The following MAP2K2 variants were observed in gnomAD, a reference collection of about 807,000 sequenced individuals.
MAP2K2 encodes the protein dual specificity mitogen-activated protein kinase kinase 2.
In MAP2K2, 24 loss-of-function variants were observed where a neutral mutation model predicts 43.7. That is an observed-to-expected ratio of 0.55 (90% CI 0.40 to 0.77). The LOEUF (loss-of-function observed/expected upper bound fraction) is 0.77, where lower values mean the gene tolerates loss of function less well. Among genes scored for constraint, MAP2K2 ranks in the 30% least tolerant of loss-of-function variants. The pLI is 0.00. For synonymous variants in MAP2K2, 244 were observed against 239.7 expected (o/e 1.02, Z -0.17); for missense variants, 470 against 566.8 (o/e 0.83, Z 1.73).
At chr19:4,106,362 C>T (rs2041085962) in intron 3 of MAP2K2, among the ~76,000 whole-genome samples, 2 of 152,322 alleles carry the variant, frequency 1.3e-5, no homozygotes, top group Admixed American at 6.5e-5. Context: ...GAGCAAGACC[C>T]TGACTTGAAA....
intron 3 of MAP2K2, among the ~76,000 whole-genome samples, chr19:4,107,592 G>C (rs930628367): frequency 2.7e-5 from 4 of 150,400 alleles, no homozygotes; most frequent in Non-Finnish European, 5.9e-5. Flanking sequence ...CTGTAGTCCC[G>C]GCTACCTGGA....
Position 4,099,307 on chromosome 19 carries a change from G to T in MAP2K2, c.813C>A (p.Asp271Glu). The T allele has an allele frequency of 6.2e-7, 1 of 1,607,040 alleles. No individual in the cohort carries two copies. The highest frequency in any genetic ancestry group is 1.1e-5 in the South Asian group (1 of 90,122). The stretch of plus-strand genomic sequence containing the variant: ...CAAAGATGGCCTCCAGCTCTTTGGC[G>T]TCGGGCGGGGGGATGGGGTACCTTC... ...AVGRYPIPPP[D>E]AKELEAIFGR... Residue 271 changes from aspartate to glutamate, a missense_variant, in exon 7 of 11, where the codon GAC becomes GAA. Around this residue, in one of 3 missense-constraint regions of MAP2K2, gnomAD observed 212 missense variants for 220.8 expected, o/e 0.96. Transcript: ENST00000262948.
intron 2 of MAP2K2, among the ~76,000 whole-genome samples, chr19:4,112,150 G>C (rs2041162557): frequency 6.6e-6 from 1 of 152,226 alleles, no homozygotes; most frequent in South Asian, 2.1e-4. Context: ...AAAAAGACAT[G>C]GTTTCCACTC....
At chr19:4,111,996 C>A (rs112333578) in intron 2 of MAP2K2, among the ~76,000 whole-genome samples, 7,580 of 150,874 alleles carry the variant, frequency 0.05, 655 homozygotes, top group African/African-American at 0.18. Context: ...ACAACAACAA[C>A]AAAAACACCA....
intron 3 of MAP2K2, chr19:4,103,097 G>A (rs1253986465): frequency 9.9e-7 from 1 of 1,014,488 alleles, no homozygotes; most frequent in Non-Finnish European, 1.2e-6. Context: ...CCAGGGGCCA[G>A]GGGGTGCATG....
In MAP2K2 at chr19:4,116,732, A is replaced by T. The variant is rs377281742; in HGVS notation, c.303+687T>A. Among the ~76,000 whole-genome samples the T allele has an allele frequency of 1.5e-3, 221 of 152,200 alleles. 3 individuals carry two copies. The Middle Eastern group carries it at 0.02, about 14-fold the overall frequency. On this transcript the variant is annotated intron_variant, in intron 2 of 10. Coordinates refer to ENST00000262948, the MANE Select transcript of MAP2K2 (RefSeq NM_030662.4). ...CACCTGGGGTCAAGAGTTCCAGACC[A>T]GCCTGGCCAACATGGCGAAACCCTG...
Position 4,097,205 on chromosome 19 carries a change from TAAAAAAAAAAAAA to T in MAP2K2, c.984+61_984+73del, listed in dbSNP as rs10681431. 1.2e-5 allele frequency: 7 copies of T among 572,892 alleles called. No individual in the cohort carries two copies. In the East Asian group the frequency reaches 2.4e-4, roughly 20 times the overall value. 35.5% of individuals were successfully genotyped at this position (572,892 alleles called of 1,614,324 possible). ...GCTCTGGTCAGAGAGAGACTCTGCC[TAAAAAAAAAAAAA>T]AAAAAAAAAAGAAAGAAGAAAGAAA... On this transcript the variant is annotated intron_variant, in intron 8 of 10. Transcript: ENST00000262948.
At chr19:4,100,692 G>A (rs1599288793) in intron 6 of MAP2K2, 3 of 429,746 alleles carry the variant, frequency 7.0e-6, no homozygotes, top group Non-Finnish European at 1.3e-5. Flanking sequence ...TAAAGAGCAA[G>A]GGGAATCCGA....
intron 1 of MAP2K2, 125 bp from the exon 2 acceptor site, chr19:4,117,754 A>G (rs984452403): frequency 2.4e-6 from 2 of 842,704 alleles, no homozygotes; most frequent in Non-Finnish European, 4.0e-6. Flanking sequence ...TGAGGGGTTC[A>G]TGGTGTAGAA....
chr19:4,100,967 G>T (rs1316946226), intron 6 of MAP2K2, 52 bp downstream of exon 6: 5 of 1,548,314 alleles, frequency 3.2e-6, no homozygotes, highest in Non-Finnish European at 4.4e-6. Flanking sequence ...GGGAGAGCTT[G>T]GGGGAGAGCA....
intron 1 of MAP2K2, among the ~76,000 whole-genome samples, chr19:4,122,212 A>T (rs1599311313): frequency 4.3e-4 from 2 of 4,688 alleles, no homozygotes; most frequent in South Asian, 0.017. Context: ...TCTCTCCCCC[A>T]TAGGGACCCT....
Position 4,115,611 on chromosome 19 carries a change from G to A in MAP2K2, c.303+1808C>T, listed in dbSNP as rs900667303. On this transcript the variant is annotated intron_variant, in intron 2 of 10. Transcript: ENST00000262948. This position sits in a 1 kb window ranked among gnomAD's most constrained non-coding sequence, Gnocchi z 4.1. Reference sequence around the variant, plus strand: ...GTACGGGGACAGAAATAGCAAGTCCGCGGCTGCACACTTCAGGAGGGAGGG... The same window carrying A: ...GTACGGGGACAGAAATAGCAAGTCCACGGCTGCACACTTCAGGAGGGAGGG... 3.3e-5 allele frequency among the ~76,000 whole-genome samples: 5 copies of A among 152,318 alleles called. No individual in the cohort carries two copies. Among genetic ancestry groups the A allele is most frequent in the East Asian group, 3.9e-4 (2 of 5,186 alleles).
intron 10 of MAP2K2, among the ~76,000 whole-genome samples, chr19:4,091,031 G>A (rs1045498981): frequency 2.3e-4 from 35 of 152,348 alleles, no homozygotes; most frequent in East Asian, 9.7e-4. Context: ...TGTGGACACC[G>A]GGGCCGGATC....
At chr19:4,098,161 CTTGAGG>C (rs1252154090) in intron 7 of MAP2K2, among the ~76,000 whole-genome samples, 79 of 152,326 alleles carry the variant, frequency 5.2e-4, no homozygotes, top group African/African-American at 1.8e-3. Flanking sequence ...GTGGATGACC[CTTGAGG>C]ACACTGCGCT....
intron 2 of MAP2K2, among the ~76,000 whole-genome samples, chr19:4,114,309 C>T (rs1172954223): frequency 6.6e-6 from 1 of 152,160 alleles, no homozygotes; most frequent in East Asian, 1.9e-4. Context: ...AACGAGGCTG[C>T]TGTTCAATTT....
chr19:4,102,932 G>A (rs907498370), intron 3 of MAP2K2: 144 of 1,127,304 alleles, frequency 1.3e-4, no homozygotes, highest in South Asian at 1.1e-3. Context: ...CGGAGGAGAC[G>A]CGGGTGCTGC....
chr19:4,114,563 G>C (rs901675658), intron 2 of MAP2K2, among the ~76,000 whole-genome samples: 1 of 152,208 alleles, frequency 6.6e-6, no homozygotes. Context: ...TATCTCCCTG[G>C]CCCAGGTAAC....
At chr19:4,091,854 G>A (rs2040858429) in intron 10 of MAP2K2, among the ~76,000 whole-genome samples, 1 of 152,114 alleles carries the variant, frequency 6.6e-6, no homozygotes, top group African/African-American at 2.4e-5. Flanking sequence ...TTTCCATGTT[G>A]CCCAGGCTGG....
chr19:4,113,112 G>A (rs770107957), intron 2 of MAP2K2, among the ~76,000 whole-genome samples: 3 of 152,182 alleles, frequency 2.0e-5, no homozygotes, highest in Non-Finnish European at 4.4e-5. Flanking sequence ...GCAGGAAAGA[G>A]CGCGCGTTCG....
Sources: allele counts gnomAD v4.1 joint callset (sites outside exome capture counted in the v4.1 genomes callset), GRCh38; gene constraint gnomAD v4.1.1; regional missense constraint gnomAD v4.1.1; non-coding constraint Gnocchi (gnomAD v3.1); transcripts MANE v1.5; gene names NCBI Gene and HGNC (gene_info 2026-07-23, HGNC 2026-07-21).